Variants in ENPP7 observed in about 807,000 individuals in gnomAD.
ENPP7 encodes ectonucleotide pyrophosphatase/phosphodiesterase family member 7.
ENPP7 carries 39 observed loss-of-function variants against 33.6 expected under a neutral mutation model. That is an observed-to-expected ratio of 1.16 (90% CI 0.90 to 1.52). The LOEUF is 1.52. ENPP7 is among the 40% of genes most tolerant of loss of function. The pLI is 0.00. For synonymous variants in ENPP7, 244 were observed against 274.3 expected (o/e 0.89, Z 1.09); for missense variants, 594 against 641.0 (o/e 0.93, Z 0.79).
In ENPP7 at chr17:79,737,851, A is replaced by C; in HGVS notation, c.1247-65A>C. On this transcript the variant is annotated intron_variant, in intron 4 of 5. Transcript: ENST00000328313. This position sits in a 1 kb window ranked among gnomAD's most constrained non-coding sequence, Gnocchi z 5.5. ...GGGACCAACAGAGGACCCCGAGTTT[A>C]CTGTGGAGAGGCTGGGGTGAGGAGC... The C allele has an allele frequency of 6.4e-7, 1 of 1,573,440 alleles. No individual in the cohort carries two copies. Among genetic ancestry groups the C allele is most frequent in the Non-Finnish European group, 8.7e-7 (1 of 1,148,410 alleles).
At chr17:79,732,153 C>CATATATATATATATATATAT (rs2094287791) in intron 1 of ENPP7, among the ~76,000 whole-genome samples, 1 of 73,706 alleles carries the variant, frequency 1.4e-5, no homozygotes, top group Non-Finnish European at 3.0e-5. Flanking sequence ...TATATATACA[C>CATATATATATATATATATAT]ACACATATAT....
chr17:79,737,316 C>A lies in ENPP7; in HGVS notation c.1246+56C>A. The A allele has an allele frequency of 1.4e-6, 2 of 1,441,528 alleles. No individual in the cohort carries two copies. Among genetic ancestry groups the A allele is most frequent in the Non-Finnish European group, 9.4e-7 (1 of 1,060,960 alleles). 89.3% of individuals were successfully genotyped at this position (1,441,528 alleles called of 1,614,324 possible). A position where few individuals can be genotyped will look rare whatever the true frequency, so the allele number is the denominator to read the frequency against. ...GCTCTGGTGTGTACACGTGTGCACA[C>A]GAGGGTGCCTGCATGCCTGTGACCA... On this transcript the variant is annotated intron_variant, in intron 4 of 5. Coordinates refer to ENST00000328313, the MANE Select transcript of ENPP7 (RefSeq NM_178543.5). This position sits in a 1 kb window ranked among gnomAD's most constrained non-coding sequence, Gnocchi z 5.5.
Position 79,737,941 on chromosome 17 carries a change from GC to G in ENPP7, c.1274del (p.Pro425LeufsTer20). ...AATCTGCTCTTCCGCCTGATGGAAG[GC>G]CTACTCTCCTGCCCAAGGGAAGATC... ...TESALPPDGR[P>X]TLLPKGRSAL... On this transcript the variant is annotated frameshift_variant, in exon 5 of 6. Transcript: ENST00000328313. LOFTEE classifies it high-confidence loss of function. This position sits in a 1 kb window ranked among gnomAD's most constrained non-coding sequence, Gnocchi z 5.5. The G allele has an allele frequency of 6.2e-7, 1 of 1,613,814 alleles. No homozygotes were observed. The highest frequency in any genetic ancestry group is 8.5e-7 in the Non-Finnish European group (1 of 1,180,012).
chr17:79,731,264 G>T lies in ENPP7; in HGVS notation c.125G>T (p.Arg42Leu), dbSNP rs782091103. Reference protein sequence around the residue: ...KLLLVSFDGFRWNYDQDVDTP... With the variant: ...KLLLVSFDGFLWNYDQDVDTP... The stretch of plus-strand genomic sequence containing the variant: ...CTCCTGGTGTCCTTCGACGGCTTCC[G>T]CTGGAACTACGACCAGGACGTGGAC... The change falls in exon 1 of 6, where the codon CGC (arginine) becomes CTC (leucine). Residue 42 changes from arginine (R) to leucine (L), a missense_variant. By Grantham distance (102) the Arg-to-Leu change is moderately radical. Around this residue, in one of 3 missense-constraint regions of ENPP7, gnomAD observed 85 missense variants for 111.3 expected, o/e 0.76. Coordinates refer to ENST00000328313, the MANE Select transcript of ENPP7 (RefSeq NM_178543.5). The T allele has an allele frequency of 9.3e-6, 15 of 1,613,844 alleles. No homozygotes were observed. Among genetic ancestry groups the T allele is most frequent in the South Asian group, 5.5e-5 (5 of 91,070 alleles).
rs1431082295 is a variant in ENPP7 at position 79,740,708 on chromosome 17, G to A, written c.*17-1086G>A. On this transcript the variant is annotated intron_variant, in intron 5 of 5. Coordinates refer to ENST00000328313, the MANE Select transcript of ENPP7 (RefSeq NM_178543.5). Reference sequence around the variant, plus strand: ...TCCCCAGAGGAGCAGCCACGGTGGCGTCCCAGCAAACCTGCTCTCCAGATC... The same window carrying A: ...TCCCCAGAGGAGCAGCCACGGTGGCATCCCAGCAAACCTGCTCTCCAGATC... Among the ~76,000 whole-genome samples the A allele has an allele frequency of 3.9e-5, 6 of 152,302 alleles. No homozygotes were observed. In the East Asian group the frequency reaches 7.7e-4, roughly 20 times the overall value.
chr17:79,731,451 C>T, intron 1 of ENPP7, 59 bp downstream of exon 1: 7 of 1,556,074 alleles, frequency 4.5e-6, no homozygotes, highest in Non-Finnish European at 6.1e-6. Context: ...CCAGATGGCA[C>T]AGAGCCGTGT....
In ENPP7 at chr17:79,735,131, C is replaced by T. The variant is rs782214236; in HGVS notation, c.488C>T (p.Ala163Val). The T allele has an allele frequency of 2.5e-6, 4 of 1,613,200 alleles. No individual in the cohort carries two copies. The highest frequency in any genetic ancestry group is 8.5e-7 in the Non-Finnish European group (1 of 1,180,036). Residue 163 changes from alanine (A) to valine (V), a missense_variant, in exon 3 of 6, where the codon GCA becomes GTA. By Grantham distance (64) the Ala-to-Val change is moderately conservative. This residue lies in a region of ENPP7 where 504 missense variants were observed against 512.8 expected (regional missense o/e 0.98). Transcript: ENST00000328313. This position sits in a 1 kb window ranked among gnomAD's most constrained non-coding sequence, Gnocchi z 5.5. ...ACGCGGAGCCGGAAAGAAGGCATCG[C>T]ACACAACTACAAAAATGAGACGGAG... ...AVTRSRKEGI[A>V]HNYKNETEWR...
chr17:79,735,703 G>A lies in ENPP7; in HGVS notation c.1026+34G>A. Reference sequence around the variant, plus strand: ...CCTGCTGGAGGCACCACCTCCAGGGGCTCCCTCCCCAGGCTCTGGGTCTTC... The same window carrying A: ...CCTGCTGGAGGCACCACCTCCAGGGACTCCCTCCCCAGGCTCTGGGTCTTC... On this transcript the variant is annotated intron_variant, in intron 3 of 5. Transcript: ENST00000328313. This position sits in a 1 kb window ranked among gnomAD's most constrained non-coding sequence, Gnocchi z 5.5. The A allele has an allele frequency of 1.9e-6, 3 of 1,569,216 alleles. No individual in the cohort carries two copies. The highest frequency in any genetic ancestry group is 2.6e-6 in the Non-Finnish European group (3 of 1,158,216).
intron 2 of ENPP7, 39 bp downstream of exon 2, chr17:79,733,692 G>A (rs782183600): frequency 7.7e-6 from 12 of 1,560,872 alleles, no homozygotes; most frequent in Admixed American, 1.9e-5. Flanking sequence ...CGCAGAGCAC[G>A]GGGGCACCTA....
At chr17:79,741,690 C>G (rs1409628526) in intron 5 of ENPP7, 104 bp from the exon 6 acceptor site, 4 of 401,372 alleles carry the variant, frequency 1.0e-5, no homozygotes, top group African/African-American at 8.8e-5. Flanking sequence ...ACGACCCCTC[C>G]CTCCCAGTCC....
chr17:79,733,148 C>T (rs530393501), intron 1 of ENPP7, among the ~76,000 whole-genome samples: 1 of 152,220 alleles, frequency 6.6e-6, no homozygotes, highest in South Asian at 2.1e-4. Context: ...TCCTTCCTGA[C>T]GGCCGTGGAG....
In ENPP7 at chr17:79,737,139, G is replaced by C. The variant is rs148013202; in HGVS notation, c.1125G>C (p.Ala375=). The C allele has an allele frequency of 6.2e-7, 1 of 1,614,094 alleles. No individual in the cohort carries two copies. The highest frequency in any genetic ancestry group is 1.7e-5 in the Admixed American group (1 of 60,030). Residue 375 remains alanine, a synonymous_variant, in exon 4 of 6, where the codon GCG becomes GCC. Transcript: ENST00000328313. This position sits in a 1 kb window ranked among gnomAD's most constrained non-coding sequence, Gnocchi z 5.5. ...GCGCTGTGGGCCCTAGCTTCAGGGC[G>C]GGCCTGGAGGTGGAGCCCTTTGAGA... is the stretch of plus-strand genomic sequence containing the variant. ...IFRAVGPSFR[A]GLEVEPFESV... is the part of the protein sequence containing the mutation.
intron 1 of ENPP7, among the ~76,000 whole-genome samples, chr17:79,732,952 G>A (rs1394141648): frequency 2.6e-5 from 4 of 152,286 alleles, no homozygotes; most frequent in Non-Finnish European, 4.4e-5. Flanking sequence ...TCTCTGTATC[G>A]CAGATGAGGA....
At position 79,737,823 on chromosome 17, in the gene ENPP7, G is replaced by C; in HGVS notation, c.1247-93G>C. ...GCGGTGAAAGAGGAAGGAGGGGCTC[G>C]TGGGGACCAACAGAGGACCCCGAGT... is the stretch of plus-strand genomic sequence containing the variant. On this transcript the variant is annotated intron_variant, in intron 4 of 5. Transcript: ENST00000328313. This position sits in a 1 kb window ranked among gnomAD's most constrained non-coding sequence, Gnocchi z 5.5. 1 of 1,389,428 alleles carries C rather than the reference G, an allele frequency of 7.2e-7. No homozygotes were observed. Among genetic ancestry groups the C allele is most frequent in the Non-Finnish European group, 1.0e-6 (1 of 993,432 alleles). The allele number at this position is 1,389,428 out of a possible 1,614,324, so 86.1% of individuals were successfully genotyped here.
At position 79,737,014 on chromosome 17, in the gene ENPP7, C is replaced by T. The variant is rs782266549; in HGVS notation, c.1027-27C>T. On this transcript the variant is annotated intron_variant, in intron 3 of 5. Coordinates refer to ENST00000328313, the MANE Select transcript of ENPP7 (RefSeq NM_178543.5). The surrounding 1 kb of genome is among the most constrained non-coding windows in gnomAD (Gnocchi z 5.5). The stretch of plus-strand genomic sequence containing the variant: ...AGGGTCTGTTGCTCCCAGCAAGGAC[C>T]CAGGACCCTTGCCCGCTCCCCGGCA... 1.2e-6 allele frequency: 2 copies of T among 1,607,490 alleles called. No homozygotes were observed. The highest frequency in any genetic ancestry group is 1.7e-6 in the Non-Finnish European group (2 of 1,174,520).
In ENPP7 at chr17:79,733,539, C is replaced by T; in HGVS notation, c.285C>T (p.His95=). 1 of 1,613,542 alleles carries T rather than the reference C, an allele frequency of 6.2e-7. No individual in the cohort carries two copies. Among genetic ancestry groups the T allele is most frequent in the Non-Finnish European group, 8.5e-7 (1 of 1,179,998 alleles). The change falls in exon 2 of 6, where the codon CAC becomes CAT. Residue 95 remains histidine, a synonymous_variant. Transcript: ENST00000328313. ...GKYIENHGVV[H]NMYYNTTSKV... Reference sequence around the variant, plus strand: ...ATATCGAGAACCACGGGGTGGTTCACAACATGTACTACAACACCACCAGCA... The same window carrying T: ...ATATCGAGAACCACGGGGTGGTTCATAACATGTACTACAACACCACCAGCA...
rs1257151906 is a variant in ENPP7 at position 79,731,254 on chromosome 17, G to A, written c.115G>A (p.Asp39Asn). The change falls in exon 1 of 6, where the codon GAC becomes AAC. Residue 39 changes from aspartate (D) to asparagine (N), a missense_variant. Transcript: ENST00000328313. ...SQNKLLLVSF[D>N]GFRWNYDQDV... is the part of the protein sequence containing the mutation. ...GAACAAGCTGCTCCTGGTGTCCTTCGACGGCTTCCGCTGGAACTACGACCA... is the reference window on the plus strand; with the variant it reads ...GAACAAGCTGCTCCTGGTGTCCTTCAACGGCTTCCGCTGGAACTACGACCA... 4.3e-6 allele frequency: 7 copies of A among 1,613,566 alleles called. No individual in the cohort carries two copies. The highest frequency in any genetic ancestry group is 2.7e-5 in the African/African-American group (2 of 74,936).
Position 79,737,831 on chromosome 17 carries a change from C to T in ENPP7, c.1247-85C>T, listed in dbSNP as rs544647077. Reference sequence around the variant, plus strand: ...AGAGGAAGGAGGGGCTCGTGGGGACCAACAGAGGACCCCGAGTTTACTGTG... The same window carrying T: ...AGAGGAAGGAGGGGCTCGTGGGGACTAACAGAGGACCCCGAGTTTACTGTG... On this transcript the variant is annotated intron_variant, in intron 4 of 5. Coordinates refer to ENST00000328313, the MANE Select transcript of ENPP7 (RefSeq NM_178543.5). This position sits in a 1 kb window ranked among gnomAD's most constrained non-coding sequence, Gnocchi z 5.5. The T allele has an allele frequency of 3.4e-6, 5 of 1,490,096 alleles. No homozygotes were observed. The highest frequency in any genetic ancestry group is 3.7e-6 in the Non-Finnish European group (4 of 1,080,098). 92.3% of individuals were successfully genotyped at this position (1,490,096 alleles called of 1,614,324 possible). A position where few individuals can be genotyped will look rare whatever the true frequency, so the allele number is the denominator to read the frequency against.
Position 79,735,476 on chromosome 17 carries a change from T to C in ENPP7, c.833T>C (p.Leu278Pro), listed in dbSNP as rs782596462. ...FTFRDIEFEL[L>P]DYGPNGMLLP... ...TTCCGGGACATCGAGTTTGAGCTCC[T>C]GGACTACGGACCAAACGGGATGCTG... The change falls in exon 3 of 6, where the codon CTG becomes CCG. Residue 278 changes from leucine (L) to proline (P), a missense_variant. By Grantham distance (98) the Leu-to-Pro change is moderately conservative. Around this residue, in one of 3 missense-constraint regions of ENPP7, gnomAD observed 504 missense variants for 512.8 expected, o/e 0.98. Transcript: ENST00000328313. The surrounding 1 kb of genome is among the most constrained non-coding windows in gnomAD (Gnocchi z 5.5). 10 of 1,614,116 alleles carry C rather than the reference T, an allele frequency of 6.2e-6. No individual in the cohort carries two copies. The highest frequency in any genetic ancestry group is 8.5e-6 in the Non-Finnish European group (10 of 1,180,026).
Sources: gnomAD v4.1 joint callset for allele counts (sites outside exome capture counted in the v4.1 genomes callset) on GRCh38, gnomAD v4.1.1 for gene constraint, gnomAD v4.1.1 regional missense constraint, Gnocchi (gnomAD v3.1) non-coding constraint, MANE v1.5 for transcripts, NCBI Gene and HGNC (gene_info 2026-07-23, HGNC 2026-07-21) for gene names.